SORCS3: variants seen among roughly 807,000 people sequenced by gnomAD.
SORCS3 encodes the protein VPS10 domain-containing receptor SorCS3.
In SORCS3, 57 loss-of-function variants were observed where a neutral mutation model predicts 146.3. The observed-to-expected ratio is 0.39, with a 90% CI of 0.31 to 0.49. The LOEUF is 0.49. SORCS3 is among the 20% of genes least tolerant of loss of function. The pLI, the probability that SORCS3 is intolerant of heterozygous loss-of-function variation, is 0.92. For missense variants in SORCS3, 1,341 were observed against 1,575.5 expected, an observed-to-expected ratio of 0.85 and a Z score of 2.52; for synonymous variants, 653 against 618.5, an observed-to-expected ratio of 1.06 and a Z score of -0.83.
chr10:104,915,735 A>G, intron 2 of SORCS3, 98 bp from the exon 3 acceptor site: 2 of 938,648 alleles, frequency 2.1e-6, no homozygotes, highest in Admixed American at 1.8e-5. Context: ...TCGGGAAGAA[A>G]GGTGCTGGTC....
chr10:104,944,396 G>T (rs2019349086), intron 3 of SORCS3, among the ~76,000 whole-genome samples: 1 of 152,074 alleles, frequency 6.6e-6, no homozygotes, highest in Non-Finnish European at 1.5e-5. Context: ...AATTATTTAA[G>T]AAAAGCATTA....
chr10:105,022,947 TA>T (rs936984926), intron 4 of SORCS3, among the ~76,000 whole-genome samples: 6 of 151,354 alleles, frequency 4.0e-5, no homozygotes, highest in East Asian at 1.9e-4. Context: ...AAATAGGATT[TA>T]AAAAAAAATA....
intron 6 of SORCS3, among the ~76,000 whole-genome samples, chr10:105,099,072 C>T (rs1467589837): frequency 6.6e-6 from 1 of 152,174 alleles, no homozygotes; most frequent in Non-Finnish European, 1.5e-5. Flanking sequence ...GATTATGCTT[C>T]AAGCTCTGTA....
rs35484660 is a variant in SORCS3, at chr10:104,913,766, C to CTTTT, written c.696-2048_696-2045dup. 3.3e-4 allele frequency among the ~76,000 whole-genome samples: 35 copies of CTTTT among 106,434 alleles called. 1 individual carries two copies. Among genetic ancestry groups the CTTTT allele is most frequent in the South Asian group, 1.3e-3 (4 of 3,044 alleles). 69.8% of individuals were successfully genotyped at this position (106,434 alleles called of 152,430 possible). The stretch of plus-strand genomic sequence containing the variant: ...CTCATGAGACTAAATTATCCCCATT[C>CTTTT]TTTTTTTTTTTTTTTTTTTTTTCCG... On this transcript the variant is annotated intron_variant, in intron 2 of 26. Transcript: ENST00000369701.
intron 16 of SORCS3, among the ~76,000 whole-genome samples, chr10:105,210,839 T>C (rs1411655288): frequency 6.6e-6 from 1 of 152,188 alleles, no homozygotes; most frequent in Non-Finnish European, 1.5e-5. Flanking sequence ...TCCTCCGCAT[T>C]TACTCCCAAG....
At chr10:105,136,987 G>T (rs933795464) in intron 7 of SORCS3, among the ~76,000 whole-genome samples, 1 of 152,172 alleles carries the variant, frequency 6.6e-6, no homozygotes, top group African/African-American at 2.4e-5. Context: ...ATAGACATGG[G>T]AGGATGAGTT....
intron 24 of SORCS3, 80 bp from the exon 25 acceptor site, chr10:105,256,739 C>A (rs1366142893): frequency 5.7e-6 from 6 of 1,043,976 alleles, no homozygotes; most frequent in Non-Finnish European, 8.8e-6. Flanking sequence ...TGGCCTCCTT[C>A]CTGCAATGAA....
At chr10:105,099,972 G>A (rs971895899) in intron 6 of SORCS3, among the ~76,000 whole-genome samples, 1 of 152,084 alleles carries the variant, frequency 6.6e-6, no homozygotes, top group Admixed American at 6.6e-5. Context: ...TATACCCCTT[G>A]AGCCAATACA....
intron 1 of SORCS3, among the ~76,000 whole-genome samples, chr10:104,834,308 C>T (rs528937960): frequency 1.3e-5 from 2 of 152,326 alleles, no homozygotes; most frequent in Non-Finnish European, 2.9e-5. Context: ...CAGTGCTTCT[C>T]AAGGCCCAGT....
At chr10:105,006,092 C>A (rs950842989) in intron 4 of SORCS3, among the ~76,000 whole-genome samples, 1 of 152,178 alleles carries the variant, frequency 6.6e-6, no homozygotes, top group East Asian at 1.9e-4. Context: ...CAGGCACATG[C>A]CATCACACCC....
chr10:104,669,014 T>C (rs758474959), intron 1 of SORCS3, among the ~76,000 whole-genome samples: 1 of 152,198 alleles, frequency 6.6e-6, no homozygotes, highest in Non-Finnish European at 1.5e-5. Context: ...GATATGCACA[T>C]ACACTTCAGC....
At chr10:104,714,707 G>C (rs1367483838) in intron 1 of SORCS3, among the ~76,000 whole-genome samples, 1 of 152,152 alleles carries the variant, frequency 6.6e-6, no homozygotes, top group African/African-American at 2.4e-5. Context: ...ATGCCAGCTT[G>C]AGAAGAAACA....
intron 2 of SORCS3, among the ~76,000 whole-genome samples, chr10:104,891,676 G>A (rs779293378): frequency 3.3e-5 from 5 of 152,054 alleles, no homozygotes; most frequent in Admixed American, 6.6e-5. Context: ...TCATGTGAGC[G>A]GGTAAATTCA....
At chr10:105,252,010 A>G (rs1192894253) in intron 22 of SORCS3, among the ~76,000 whole-genome samples, 2 of 152,330 alleles carry the variant, frequency 1.3e-5, no homozygotes, top group South Asian at 2.1e-4. Context: ...TAATGGTGGC[A>G]TAATAGTCTA....
chr10:105,244,671 TA>T (rs1284268972), intron 20 of SORCS3, among the ~76,000 whole-genome samples: 4 of 152,188 alleles, frequency 2.6e-5, no homozygotes, highest in Non-Finnish European at 5.9e-5. Context: ...TTTTCCAACC[TA>T]TTAAAAATGG....
intron 3 of SORCS3, among the ~76,000 whole-genome samples, chr10:104,938,997 A>G (rs753143286): frequency 3.9e-5 from 6 of 152,228 alleles, no homozygotes; most frequent in Non-Finnish European, 8.8e-5. Context: ...TTCCTGGTCC[A>G]GATGGCACCT....
intron 4 of SORCS3, among the ~76,000 whole-genome samples, chr10:105,042,015 T>G (rs1489855981): frequency 6.6e-6 from 1 of 152,230 alleles, no homozygotes; most frequent in East Asian, 1.9e-4. Context: ...TCTCCAAGAT[T>G]AAGTTTTGTT....
At chr10:104,745,113 G>C (rs1394384259) in intron 1 of SORCS3, among the ~76,000 whole-genome samples, 1 of 152,178 alleles carries the variant, frequency 6.6e-6, no homozygotes, top group Non-Finnish European at 1.5e-5. Context: ...CCATTTGCAT[G>C]GTGAACGTGG....
At chr10:105,256,220 A>G (rs1490448606) in intron 24 of SORCS3, among the ~76,000 whole-genome samples, 1 of 152,176 alleles carries the variant, frequency 6.6e-6, no homozygotes, top group African/African-American at 2.4e-5. Flanking sequence ...CTTCTAGTTT[A>G]CAATGTGTGA....
Sources: allele counts gnomAD v4.1 joint callset (sites outside exome capture counted in the v4.1 genomes callset), GRCh38; gene constraint gnomAD v4.1.1; transcripts MANE v1.5; gene names NCBI Gene and HGNC (gene_info 2026-07-23, HGNC 2026-07-21).